Variants in ALPK1 observed in about 807,000 individuals in gnomAD.
ALPK1 encodes alpha-protein kinase 1.
ALPK1 carries 110 observed loss-of-function variants against 120.6 expected under a neutral mutation model. The ratio of observed to expected loss-of-function variants is 0.91; its 90% CI spans 0.78 to 1.07. ALPK1 has a LOEUF of 1.07. Ranked by LOEUF, ALPK1 falls within the 50% of genes least tolerant of loss-of-function variation. The pLI is 0.00. For missense variants in ALPK1, 1,498 were observed against 1,483.9 expected (o/e 1.01, Z -0.16); for synonymous variants, 582 against 560.3 (o/e 1.04, Z -0.55).
intron 5 of ALPK1, among the ~76,000 whole-genome samples, chr4:112,417,414 A>G (rs1226888609): frequency 6.6e-6 from 1 of 152,242 alleles, no homozygotes; most frequent in Non-Finnish European, 1.5e-5. Context: ...ATTGACCAAC[A>G]TTGTATTAAA....
intron 12 of ALPK1, among the ~76,000 whole-genome samples, chr4:112,436,900 T>C (rs1375106831): frequency 6.6e-6 from 1 of 152,188 alleles, no homozygotes; most frequent in Non-Finnish European, 1.5e-5. Context: ...TCAATATATT[T>C]CTGATCAGAA....
intron 2 of ALPK1, among the ~76,000 whole-genome samples, chr4:112,363,542 C>A (rs541945848): frequency 1.3e-5 from 2 of 152,134 alleles, no homozygotes; most frequent in South Asian, 4.2e-4. Context: ...CACTGGAGCT[C>A]CCAAATTTAT....
intron 3 of ALPK1, among the ~76,000 whole-genome samples, chr4:112,381,042 C>T (rs903448660): frequency 3.3e-5 from 5 of 152,148 alleles, no homozygotes; most frequent in African/African-American, 9.7e-5. Flanking sequence ...TCCAAAGAGC[C>T]GGAACGGGAT....
At chr4:112,353,248 T>C (rs1730444928) in intron 2 of ALPK1, among the ~76,000 whole-genome samples, 1 of 152,194 alleles carries the variant, frequency 6.6e-6, no homozygotes, top group South Asian at 2.1e-4. Flanking sequence ...AGTGCTGGGA[T>C]TACAGGTGTG....
chr4:112,428,719 C>G (rs1010019928), intron 9 of ALPK1, among the ~76,000 whole-genome samples: 1 of 152,198 alleles, frequency 6.6e-6, no homozygotes, highest in Non-Finnish European at 1.5e-5. Context: ...CTTGAGGGCT[C>G]ACTGTCTGCT....
At chr4:112,434,481 T>A (rs1244654721) in intron 11 of ALPK1, among the ~76,000 whole-genome samples, 1 of 152,270 alleles carries the variant, frequency 6.6e-6, no homozygotes, top group Non-Finnish European at 1.5e-5. Context: ...ACCAAAGTGT[T>A]GCACTCCTTC....
At chr4:112,429,706 G>T (rs1734440362) in intron 10 of ALPK1, among the ~76,000 whole-genome samples, 1 of 151,838 alleles carries the variant, frequency 6.6e-6, no homozygotes, top group Admixed American at 6.6e-5. Context: ...CAGGTGTGGT[G>T]GTACGTGCCT....
At chr4:112,414,519 A>AAC in intron 5 of ALPK1, 2 of 309,814 alleles carry the variant, frequency 6.5e-6, no homozygotes, top group Non-Finnish European at 1.3e-5. Context: ...GAGGCAGGAG[A>AAC]ATCACTTGAA....
chr4:112,397,146 C>G (rs1456274786), intron 4 of ALPK1, among the ~76,000 whole-genome samples: 2 of 152,224 alleles, frequency 1.3e-5, no homozygotes, highest in African/African-American at 4.8e-5. Flanking sequence ...CATGCAAAAT[C>G]ACGTAGTGCC....
chr4:112,344,322 G>A (rs1225773444), intron 2 of ALPK1, among the ~76,000 whole-genome samples: 6 of 152,152 alleles, frequency 3.9e-5, no homozygotes, highest in African/African-American at 1.4e-4. Flanking sequence ...GGAAGTCTAG[G>A]GAGAGCTCAG....
chr4:112,428,544 T>C (rs1048156243), intron 9 of ALPK1, among the ~76,000 whole-genome samples: 3 of 152,194 alleles, frequency 2.0e-5, no homozygotes, highest in South Asian at 2.1e-4. Flanking sequence ...ACTGAAGTTA[T>C]CCCTGATGAC....
At chr4:112,436,773 G>A (rs769137422) in intron 12 of ALPK1, among the ~76,000 whole-genome samples, 4 of 152,048 alleles carry the variant, frequency 2.6e-5, no homozygotes, top group South Asian at 2.1e-4. Context: ...TGTTATTTAC[G>A]CCACCCAGTT....
intron 4 of ALPK1, among the ~76,000 whole-genome samples, chr4:112,387,181 G>A (rs1021484315): frequency 9.2e-5 from 14 of 152,208 alleles, no homozygotes; most frequent in African/African-American, 2.9e-4. Context: ...ACTCAACGTG[G>A]ATGCCACCTT....
At chr4:112,411,788 T>A (rs759525001) in intron 4 of ALPK1, 39 bp from the exon 5 acceptor site, 46 of 1,571,878 alleles carry the variant, frequency 2.9e-5, no homozygotes, top group Non-Finnish European at 3.7e-5. Context: ...CCTGCCAGCG[T>A]TTCCGCCTGG....
chr4:112,400,381 T>C (rs1297935070), intron 4 of ALPK1, among the ~76,000 whole-genome samples: 1 of 152,156 alleles, frequency 6.6e-6, no homozygotes, highest in East Asian at 1.9e-4. Context: ...ATAAGGACCA[T>C]CTCTTCTCAT....
chr4:112,342,194 T>C (rs1729891492), intron 2 of ALPK1, among the ~76,000 whole-genome samples: 1 of 152,212 alleles, frequency 6.6e-6, no homozygotes, highest in Non-Finnish European at 1.5e-5. Context: ...CTTTTGTTGT[T>C]GTTGCTGTTG....
chr4:112,349,702 T>TACC (rs1553939474), intron 2 of ALPK1, among the ~76,000 whole-genome samples: 1 of 152,024 alleles, frequency 6.6e-6, no homozygotes, highest in Non-Finnish European at 1.5e-5. Flanking sequence ...TACAGGCGTG[T>TACC]ACCACCACGC....
chr4:112,298,575 A>T (rs891833770), intron 1 of ALPK1, among the ~76,000 whole-genome samples: 1 of 152,196 alleles, frequency 6.6e-6, no homozygotes, highest in Admixed American at 6.5e-5. Context: ...TCTTCCGCCA[A>T]GAAGACACCA....
At chr4:112,310,244 C>T (rs1728333145) in intron 1 of ALPK1, among the ~76,000 whole-genome samples, 2 of 152,150 alleles carry the variant, frequency 1.3e-5, no homozygotes, top group Middle Eastern at 3.4e-3. Flanking sequence ...AATTCATCAA[C>T]ATAACACTTG....
Sources: gnomAD v4.1 joint callset for allele counts (sites outside exome capture counted in the v4.1 genomes callset) on GRCh38, gnomAD v4.1.1 for gene constraint, MANE v1.5 for transcripts, NCBI Gene and HGNC (gene_info 2026-07-23, HGNC 2026-07-21) for gene names.